Variants in COBL observed in about 807,000 individuals in gnomAD.
COBL encodes the protein cordon-bleu WH2 repeat protein, also known as protein cordon-bleu.
COBL carries 51 observed loss-of-function variants against 98.8 expected under a neutral mutation model. That is an observed-to-expected ratio of 0.52 (90% CI 0.41 to 0.65). COBL has a LOEUF of 0.65. COBL is among the 30% of genes least tolerant of loss of function. The pLI, the probability that COBL is intolerant of heterozygous loss-of-function variation, is 0.00. For missense variants in COBL, 1,617 were observed against 1,617.5 expected, an observed-to-expected ratio of 1.00 and a Z score of 0.01; for synonymous variants, 634 against 651.7, an observed-to-expected ratio of 0.97 and a Z score of 0.41.
At chr7:51,093,357 T>TATGACAAA (rs1436670932) in intron 6 of COBL, among the ~76,000 whole-genome samples, 1 of 152,146 alleles carries the variant, frequency 6.6e-6, no homozygotes, top group African/African-American at 2.4e-5. Context: ...TTAGAATGGC[T>TATGACAAA]ATGACAAAAA....
intron 6 of COBL, among the ~76,000 whole-genome samples, chr7:51,097,020 T>A (rs542634384): frequency 6.6e-6 from 1 of 152,102 alleles, no homozygotes; most frequent in South Asian, 2.1e-4. Context: ...ACACCAAAAA[T>A]AAGACAAAGA....
intron 7 of COBL, among the ~76,000 whole-genome samples, chr7:51,057,445 T>G (rs182805639): frequency 2.0e-5 from 3 of 152,178 alleles, no homozygotes; most frequent in Non-Finnish European, 2.9e-5. Context: ...TAAAAGGTAC[T>G]CAAATACAGT....
chr7:51,254,791 G>A (rs1797050195), intron 1 of COBL, among the ~76,000 whole-genome samples: 1 of 152,160 alleles, frequency 6.6e-6, no homozygotes, highest in Admixed American at 6.5e-5. Context: ...ACTGCATAAG[G>A]TGAAAAACAT....
intron 5 of COBL, among the ~76,000 whole-genome samples, chr7:51,145,521 G>A (rs760059221): frequency 6.6e-5 from 10 of 151,974 alleles, no homozygotes; most frequent in South Asian, 2.1e-4. Flanking sequence ...TGGGATTACA[G>A]GTACCCGCCA....
At chr7:51,055,279 T>C (rs1052050634) in intron 7 of COBL, among the ~76,000 whole-genome samples, 2 of 152,146 alleles carry the variant, frequency 1.3e-5, no homozygotes, top group South Asian at 2.1e-4. Context: ...GTTGCACTAA[T>C]AGCATGTCCT....
At chr7:51,198,734 T>C (rs1307245833) in intron 2 of COBL, among the ~76,000 whole-genome samples, 2 of 152,222 alleles carry the variant, frequency 1.3e-5, no homozygotes, top group African/African-American at 2.4e-5. Context: ...CACAGGGCAC[T>C]GGTAAACACA....
intron 4 of COBL, among the ~76,000 whole-genome samples, chr7:51,190,337 T>C (rs1005402658): frequency 6.6e-6 from 1 of 152,056 alleles, no homozygotes; most frequent in African/African-American, 2.4e-5. Context: ...GCCTCTCCAG[T>C]AGATGGGACT....
chr7:51,285,380 GAA>G (rs879267450), intron 1 of COBL, among the ~76,000 whole-genome samples: 3 of 111,314 alleles, frequency 2.7e-5, no homozygotes, highest in Admixed American at 9.1e-5. Flanking sequence ...AATCTGCAAA[GAA>G]AAAAAAAAAA....
At chr7:51,063,439 A>G (rs982566691) in intron 7 of COBL, among the ~76,000 whole-genome samples, 2 of 152,142 alleles carry the variant, frequency 1.3e-5, no homozygotes, top group African/African-American at 2.4e-5. Context: ...CCGGCCTAAC[A>G]TTTTCTTTAA....
intron 1 of COBL, among the ~76,000 whole-genome samples, chr7:51,278,349 G>A (rs940125016): frequency 6.6e-6 from 1 of 151,030 alleles, no homozygotes; most frequent in African/African-American, 2.4e-5. Context: ...AGCTGCCTGG[G>A]GAGACAAGCA....
At chr7:51,025,465 G>T in intron 11 of COBL, 93 bp from the exon 12 acceptor site, 1 of 1,340,534 alleles carries the variant, frequency 7.5e-7, no homozygotes, top group Non-Finnish European at 1.0e-6. Flanking sequence ...GGCATGAGGA[G>T]ATGAGGATTG....
chr7:51,028,317 C>G lies in COBL; in HGVS notation c.2779G>C (p.Asp927His). The change falls in exon 10 of 13, where the codon GAT becomes CAT. Residue 927 changes from aspartate to histidine, a missense_variant. This residue lies in a region of COBL where 1,304 missense variants were observed against 1,282.0 expected (regional missense o/e 1.02). Coordinates refer to ENST00000265136, the MANE Select transcript of COBL (RefSeq NM_015198.5). ...GTGACACAGGGCCACTGGGCACCAT[C>G]CTTCCATCCTTGTGTCTCTGAGTGT... ...SPHSETQGWK[D>H]GAQWPCVTPP... is the part of the protein sequence containing the mutation. 6.2e-7 allele frequency: 1 copy of G among 1,614,236 alleles called. No individual in the cohort carries two copies. Among genetic ancestry groups the G allele is most frequent in the Non-Finnish European group, 8.5e-7 (1 of 1,180,046 alleles).
intron 1 of COBL, among the ~76,000 whole-genome samples, chr7:51,291,138 G>A (rs939429450): frequency 2.0e-5 from 3 of 152,142 alleles, no homozygotes; most frequent in Non-Finnish European, 4.4e-5. Flanking sequence ...GCGAGGCAGC[G>A]AAGAAAGACT....
chr7:51,316,713 T>C lies in COBL; in HGVS notation c.-80A>G. On this transcript the variant is annotated 5_prime_UTR_variant, in exon 1 of 13. It removes the in-frame stop codon of an upstream open reading frame in the 5' UTR. Transcript: ENST00000265136. ...GCTACCGCCGCCACCGCTGCCGCCC[T>C]CATTCACTTTTTCCGCGCTGACCCA... 9.3e-7 allele frequency: 1 copy of C among 1,075,850 alleles called. No homozygotes were observed. The highest frequency in any genetic ancestry group is 1.2e-6 in the Non-Finnish European group (1 of 856,700). 66.6% of individuals were successfully genotyped at this position (1,075,850 alleles called of 1,614,324 possible).
intron 1 of COBL, among the ~76,000 whole-genome samples, chr7:51,250,057 G>C (rs556085364): frequency 1.1e-4 from 16 of 151,714 alleles, no homozygotes; most frequent in Non-Finnish European, 2.4e-4. Context: ...AGCCAAGATC[G>C]CACCACTGCA....
intron 1 of COBL, 135 bp from the exon 2 acceptor site, chr7:51,220,079 T>A: frequency 2.8e-6 from 2 of 709,164 alleles, no homozygotes; most frequent in Non-Finnish European, 4.6e-6. Flanking sequence ...AAAATCAATG[T>A]CCCCCAAACA....
intron 6 of COBL, among the ~76,000 whole-genome samples, chr7:51,108,047 A>G (rs1048994063): frequency 5.9e-5 from 9 of 152,024 alleles, no homozygotes; most frequent in Non-Finnish European, 4.4e-5. Context: ...TCCACTGCCT[A>G]CATGTTTCCA....
chr7:51,249,215 AG>A (rs1221379384), intron 1 of COBL, among the ~76,000 whole-genome samples: 1 of 152,216 alleles, frequency 6.6e-6, no homozygotes, highest in Non-Finnish European at 1.5e-5. Flanking sequence ...GCCCCCATCC[AG>A]GGAACTATCC....
chr7:51,171,455 G>A (rs1787869796), intron 5 of COBL, among the ~76,000 whole-genome samples: 1 of 151,984 alleles, frequency 6.6e-6, no homozygotes, highest in Non-Finnish European at 1.5e-5. Flanking sequence ...GTGTTTCCTG[G>A]GGGCTTACTT....
Sources: gnomAD v4.1 joint callset for allele counts (sites outside exome capture counted in the v4.1 genomes callset) on GRCh38, gnomAD v4.1.1 for gene constraint, gnomAD v4.1.1 regional missense constraint, MANE v1.5 for transcripts, NCBI Gene and HGNC (gene_info 2026-07-23, HGNC 2026-07-21) for gene names.